Variants in ENTPD1 observed in about 807,000 individuals in gnomAD.
ENTPD1 encodes ATP diphosphohydrolase.
Under a neutral mutation model 57.0 loss-of-function variants are expected in ENTPD1, and 33 were observed. That is an observed-to-expected ratio of 0.58 (90% CI 0.44 to 0.77). The LOEUF is 0.77. Ranked by LOEUF, ENTPD1 falls within the 30% of genes least tolerant of loss-of-function variation. The probability of loss-of-function intolerance (pLI) is 0.00; values close to 1 mark genes in which losing one functional copy is unlikely to be tolerated. For missense variants in ENTPD1, 501 were observed against 603.4 expected (o/e 0.83, Z 1.78); for synonymous variants, 202 against 218.8 (o/e 0.92, Z 0.68).
the ENTPD1 span, among the ~76,000 whole-genome samples, chr10:95,698,625 G>A: frequency 6.6e-6 from 1 of 152,374 alleles, no homozygotes; most frequent in African/African-American, 2.4e-5. Context: ...TAGTTTCAGA[G>A]GACAGGTCAG....
In ENTPD1 at chr10:95,876,255, T is replaced by C. The variant is rs960663058; in HGVS notation, c.*9872T>C. 2 of 978,814 alleles carry C rather than the reference T, an allele frequency of 2.0e-6. No homozygotes were observed. The highest frequency in any genetic ancestry group is 9.4e-5 in the South Asian group (2 of 21,168). The allele number at this position is 978,814 out of a possible 1,614,324, so 60.6% of individuals were successfully genotyped here. On this transcript the variant is annotated 3_prime_UTR_variant, in exon 10 of 10. Transcript: ENST00000371205. ...ATAATGTAGATTGCTAATTTTATAATAACACAAGTTGATTTTGACATCCAA... is the reference window on the plus strand; with the variant it reads ...ATAATGTAGATTGCTAATTTTATAACAACACAAGTTGATTTTGACATCCAA...
intron 1 of ENTPD1, among the ~76,000 whole-genome samples, chr10:95,727,506 C>A (rs533927420): frequency 9.9e-4 from 151 of 152,268 alleles, no homozygotes; most frequent in Non-Finnish European, 2.0e-3. Flanking sequence ...AAAGAATTCC[C>A]TCACGTGTCA....
chr10:95,843,711 A>G (rs2098427130), intron 4 of ENTPD1, among the ~76,000 whole-genome samples: 1 of 152,214 alleles, frequency 6.6e-6, no homozygotes, highest in Non-Finnish European at 1.5e-5. Flanking sequence ...CTGGTAGAGA[A>G]GATGGATTGG....
chr10:95,845,129 T>G (rs2098431999), intron 5 of ENTPD1, among the ~76,000 whole-genome samples: 1 of 152,236 alleles, frequency 6.6e-6, no homozygotes, highest in Admixed American at 6.5e-5. Context: ...TCAGACCTCT[T>G]GTTTTTAAAC....
At chr10:95,862,802 T>C (rs1590205709) in intron 8 of ENTPD1, among the ~76,000 whole-genome samples, 1 of 152,246 alleles carries the variant, frequency 6.6e-6, no homozygotes, top group Admixed American at 6.5e-5. Flanking sequence ...TGACCAGTTA[T>C]ATTTCAGTGT....
intron 1 of ENTPD1, among the ~76,000 whole-genome samples, chr10:95,717,660 A>C (rs953374143): frequency 2.0e-5 from 3 of 152,114 alleles, no homozygotes; most frequent in Non-Finnish European, 4.4e-5. Flanking sequence ...TAGTCGGCCT[A>C]GGAAATCCAG....
chr10:95,857,943 C>T (rs1445452886), intron 7 of ENTPD1, among the ~76,000 whole-genome samples: 3 of 152,080 alleles, frequency 2.0e-5, no homozygotes, highest in African/African-American at 7.2e-5. Context: ...GGGCGGATCA[C>T]GAGGTTAGGA....
intron 1 of ENTPD1, among the ~76,000 whole-genome samples, chr10:95,714,202 T>C (rs1349808264): frequency 6.6e-6 from 1 of 152,134 alleles, no homozygotes; most frequent in Admixed American, 6.5e-5. Flanking sequence ...TCCTGGCTAC[T>C]TGGGAGGCTG....
Position 95,844,476 on chromosome 10 carries a change from G to A in ENTPD1, c.414G>A (p.Arg138=). Residue 138 remains arginine, a splice_region_variant and synonymous_variant, in exon 5 of 10, where the codon AGG becomes AGA. Coordinates refer to ENST00000371205, the MANE Select transcript of ENTPD1 (RefSeq NM_001776.6). ...TAACCTCAGCTCTTCCTTTGTACAG[G>A]ATGGAAAGTGAAGAGTTGGCAGACA... ...LGATAGMRLL[R]MESEELADRV... is the part of the protein sequence containing the mutation. The A allele has an allele frequency of 6.2e-7, 1 of 1,614,042 alleles. No individual in the cohort carries two copies. Among genetic ancestry groups the A allele is most frequent in the Non-Finnish European group, 8.5e-7 (1 of 1,179,936 alleles).
chr10:95,869,782 A>G lies in ENTPD1; in HGVS notation c.*3399A>G. The G allele has an allele frequency of 1.3e-6, 1 of 778,262 alleles. No homozygotes were observed. Among genetic ancestry groups the G allele is most frequent in the Non-Finnish European group, 1.6e-6 (1 of 641,362 alleles). The allele number at this position is 778,262 out of a possible 1,614,324, so 48.2% of individuals were successfully genotyped here. On this transcript the variant is annotated 3_prime_UTR_variant, in exon 10 of 10. Coordinates refer to ENST00000371205, the MANE Select transcript of ENTPD1 (RefSeq NM_001776.6). ...GGGTAACACAGGAGAGTTTTCAGAA[A>G]GCAACTAAATCCAAAATACTATCAA...
At position 95,874,857 on chromosome 10, in the gene ENTPD1, C is replaced by T. The variant is rs2141038487; in HGVS notation, c.*8474C>T. ...TGGAAGCTGCCAATGCTTGGGGCCTCTACCCTCTGAAGCCACAGCCCAAGC... is the reference window on the plus strand; with the variant it reads ...TGGAAGCTGCCAATGCTTGGGGCCTTTACCCTCTGAAGCCACAGCCCAAGC... On this transcript the variant is annotated 3_prime_UTR_variant, in exon 10 of 10. Transcript: ENST00000371205. Among the ~76,000 whole-genome samples, 1 of 152,370 alleles carries T rather than the reference C, an allele frequency of 6.6e-6. No homozygotes were observed. Among genetic ancestry groups the T allele is most frequent in the African/African-American group, 2.4e-5 (1 of 41,594 alleles).
intron 1 of ENTPD1, among the ~76,000 whole-genome samples, chr10:95,802,795 T>G (rs993107611): frequency 6.6e-6 from 1 of 152,234 alleles, no homozygotes; most frequent in Non-Finnish European, 1.5e-5. Context: ...ACTCATCCTT[T>G]TTTATGGCTG....
intron 1 of ENTPD1, among the ~76,000 whole-genome samples, chr10:95,802,622 G>C (rs2098254653): frequency 6.6e-6 from 1 of 152,054 alleles, no homozygotes; most frequent in Non-Finnish European, 1.5e-5. Flanking sequence ...CCCACACCAT[G>C]ACAGGCCCCG....
chr10:95,838,354 T>C (rs940906901), intron 2 of ENTPD1, among the ~76,000 whole-genome samples: 2 of 152,210 alleles, frequency 1.3e-5, no homozygotes, highest in Non-Finnish European at 2.9e-5. Flanking sequence ...ATGAAATGCA[T>C]ATGAATGTTT....
intron 2 of ENTPD1, among the ~76,000 whole-genome samples, chr10:95,835,972 T>C (rs755452989): frequency 2.6e-5 from 4 of 152,224 alleles, no homozygotes; most frequent in Non-Finnish European, 5.9e-5. Context: ...TACAGTTATG[T>C]GTTTATTCTA....
chr10:95,852,712 G>C (rs2098447557), intron 7 of ENTPD1, among the ~76,000 whole-genome samples: 1 of 152,098 alleles, frequency 6.6e-6, no homozygotes, highest in Non-Finnish European at 1.5e-5. Context: ...GTTTGTTTTT[G>C]TCAGGTTTGT....
intron 1 of ENTPD1, among the ~76,000 whole-genome samples, chr10:95,750,224 G>A (rs749949758): frequency 9.2e-5 from 14 of 152,264 alleles, no homozygotes; most frequent in South Asian, 2.1e-4. Flanking sequence ...GGAAAGGAGC[G>A]GGGATGGGTC....
Position 95,873,073 on chromosome 10 carries a change from A to AT in ENTPD1, c.*6691dup. On this transcript the variant is annotated 3_prime_UTR_variant, in exon 10 of 10. Transcript: ENST00000371205. ...TAAAAATTATTTAATTTTAATTAAT[A>AT]TAAATAATTCAGTAGGTCTGGGGTG... The AT allele has an allele frequency of 1.1e-6, 1 of 922,918 alleles. No homozygotes were observed. Among genetic ancestry groups the AT allele is most frequent in the Non-Finnish European group, 1.3e-6 (1 of 773,072 alleles). The allele number at this position is 922,918 out of a possible 1,614,324, so 57.2% of individuals were successfully genotyped here.
chr10:95,740,985 T>C (rs552181429), intron 1 of ENTPD1, among the ~76,000 whole-genome samples: 64 of 152,346 alleles, frequency 4.2e-4, no homozygotes, highest in African/African-American at 1.5e-3. Flanking sequence ...TCCATATTAG[T>C]AATAAGGCTG....
Sources: allele counts gnomAD v4.1 joint callset (sites outside exome capture counted in the v4.1 genomes callset), GRCh38; gene constraint gnomAD v4.1.1; transcripts MANE v1.5; gene names NCBI Gene and HGNC (gene_info 2026-07-23, HGNC 2026-07-21).